HERC2: variants seen among roughly 807,000 people sequenced by gnomAD.
HERC2 encodes HECT and RLD domain containing E3 ubiquitin protein ligase 2, also known as E3 ubiquitin-protein ligase HERC2.
In HERC2, 102 loss-of-function variants were observed where a neutral mutation model predicts 537.7. That is an observed-to-expected ratio of 0.19 (90% confidence interval 0.16 to 0.22). The LOEUF is 0.22. HERC2 is among the 10% of genes least tolerant of loss of function. The pLI is 1.00. For missense variants in HERC2, 4,236 were observed against 6,198.2 expected, an observed-to-expected ratio of 0.68 and a Z score of 10.63; for synonymous variants, 2,224 against 2,466.2, an observed-to-expected ratio of 0.90 and a Z score of 2.91.
chr15:28,114,813 G>T lies in HERC2; in HGVS notation c.13723-11C>A. On this transcript the variant is annotated splice_polypyrimidine_tract_variant and intron_variant, in intron 89 of 92. Coordinates refer to ENST00000261609, the MANE Select transcript of HERC2 (RefSeq NM_004667.6). ...AAAATCCTTATCAACCTTTTAAGGA[G>T]AAAAAGAAAGCCCATGTGTCGACTC... 6.2e-7 allele frequency: 1 copy of T among 1,611,596 alleles called. No individual in the cohort carries two copies. Among genetic ancestry groups the T allele is most frequent in the East Asian group, 2.2e-5 (1 of 44,840 alleles).
chr15:28,302,970 T>G (rs1490828651), intron 2 of HERC2, among the ~76,000 whole-genome samples: 43 of 151,746 alleles, frequency 2.8e-4, no homozygotes, highest in African/African-American at 1.0e-3. Flanking sequence ...CTCTTCATTT[T>G]GTTGATTGTT....
At position 28,144,663 on chromosome 15, in the gene HERC2, C is replaced by T. The variant is rs752002642; in HGVS notation, c.11140+10G>A. On this transcript the variant is annotated intron_variant, in intron 72 of 92. Coordinates refer to ENST00000261609, the MANE Select transcript of HERC2 (RefSeq NM_004667.6). Reference sequence around the variant, plus strand: ...CATCTAACCTTGATCGCCATAAGCCCCTTCCTTACCAGCAGCTGGCATGAT... The same window carrying T: ...CATCTAACCTTGATCGCCATAAGCCTCTTCCTTACCAGCAGCTGGCATGAT... 3.7e-6 allele frequency: 6 copies of T among 1,614,204 alleles called. No individual in the cohort carries two copies. The South Asian group carries it at 6.6e-5, about 18-fold the overall frequency.
chr15:28,321,544 AAG>A (rs1485009760), intron 1 of HERC2, 80 bp from the exon 2 acceptor site: 5 of 671,964 alleles, frequency 7.4e-6, no homozygotes, highest in Non-Finnish European at 4.8e-6. Context: ...GAAAAGAAAA[AAG>A]AGAGAGAGAA....
Position 28,265,503 on chromosome 15 carries a change from C to T in HERC2, c.1870+115G>A, listed in dbSNP as rs947902947. On this transcript the variant is annotated intron_variant, in intron 14 of 92. Coordinates refer to ENST00000261609, the MANE Select transcript of HERC2 (RefSeq NM_004667.6). This position sits in a 1 kb window ranked among gnomAD's most constrained non-coding sequence, Gnocchi z 4.0. ...CCAATGCCACTGAGCCCCACACCCACTGGGCGACAGGGTGGGTGGCCTCGT... is the reference window on the plus strand; with the variant it reads ...CCAATGCCACTGAGCCCCACACCCATTGGGCGACAGGGTGGGTGGCCTCGT... The T allele has an allele frequency of 5.8e-5, 47 of 803,840 alleles. No homozygotes were observed. Among genetic ancestry groups the T allele is most frequent in the Admixed American group, 1.1e-4 (5 of 45,352 alleles). The allele number at this position is 803,840 out of a possible 1,614,324, so 49.8% of individuals were successfully genotyped here.
At position 28,233,522 on chromosome 15, in the gene HERC2, C is replaced by A. The variant is rs575457944; in HGVS notation, c.4391G>T (p.Gly1464Val). ...CGTTCTGTGCTTTACTTGCTCAATA[C>A]CAAGTGCACCTGCATGAACTAAAGA... The part of the protein sequence containing the change: ...ALSLVHAGAL[G>V]IEQVKHRTLP... The change falls in exon 29 of 93, where the codon GGT (glycine) becomes GTT (valine). Residue 1464 changes from glycine to valine, a missense_variant. Around this residue, in one of 27 missense-constraint regions of HERC2, gnomAD observed 94 missense variants for 174.9 expected, o/e 0.54. Transcript: ENST00000261609. 1 of 1,577,646 alleles carries A rather than the reference C, an allele frequency of 6.3e-7. No homozygotes were observed. The highest frequency in any genetic ancestry group is 8.7e-7 in the Non-Finnish European group (1 of 1,146,972).
intron 2 of HERC2, among the ~76,000 whole-genome samples, chr15:28,314,356 A>G (rs907825428): frequency 3.9e-5 from 6 of 152,234 alleles, no homozygotes; most frequent in African/African-American, 4.8e-5. Flanking sequence ...TCAGCTCGGA[A>G]CAATGGGGTG....
chr15:28,176,394 C>A lies in HERC2; in HGVS notation c.9686+34G>T. 1 of 1,609,480 alleles carries A rather than the reference C, an allele frequency of 6.2e-7. No individual in the cohort carries two copies. The highest frequency in any genetic ancestry group is 8.5e-7 in the Non-Finnish European group (1 of 1,176,538). On this transcript the variant is annotated intron_variant, in intron 63 of 92. Transcript: ENST00000261609. The surrounding 1 kb of genome is among the most constrained non-coding windows in gnomAD (Gnocchi z 5.0). Reference sequence around the variant, plus strand: ...GGTTCCCTGCACACACCTGCACAAGCACACACAGTGTGACAGGGAGGACGT... The same window carrying A: ...GGTTCCCTGCACACACCTGCACAAGAACACACAGTGTGACAGGGAGGACGT...
At position 28,177,058 on chromosome 15, in the gene HERC2, G is replaced by A. The variant is rs1566974048; in HGVS notation, c.9324C>T (p.Ser3108=). Residue 3108 remains serine (S), a synonymous_variant, in exon 61 of 93, where the codon AGC becomes AGT. Transcript: ENST00000261609. This position sits in a 1 kb window ranked among gnomAD's most constrained non-coding sequence, Gnocchi z 5.0. The stretch of plus-strand genomic sequence containing the variant: ...TGGATGTGAGGGCTGCGCTGTGCGA[G>A]CTCCCACAGGCGATATCCCGGATAC... ...TKRIRDIACG[S]SHSAALTSSG... is the part of the protein sequence containing the mutation. The A allele has an allele frequency of 1.2e-6, 2 of 1,614,106 alleles. No individual in the cohort carries two copies. The highest frequency in any genetic ancestry group is 2.2e-5 in the East Asian group (1 of 44,860).
Position 28,116,624 on chromosome 15 carries a change from C to T in HERC2, c.13609+41G>A, listed in dbSNP as rs754431787. 3.9e-6 allele frequency: 6 copies of T among 1,549,844 alleles called. No individual in the cohort carries two copies. The African/African-American group carries it at 4.1e-5, about 11-fold the overall frequency. Reference sequence around the variant, plus strand: ...GTACATTTTAACTCAAGAGCAGGCACAGGCCACAGCGACACAGTCTCAAGC... The same window carrying T: ...GTACATTTTAACTCAAGAGCAGGCATAGGCCACAGCGACACAGTCTCAAGC... On this transcript the variant is annotated intron_variant, in intron 88 of 92. Coordinates refer to ENST00000261609, the MANE Select transcript of HERC2 (RefSeq NM_004667.6).
At chr15:28,201,320 G>A in intron 48 of HERC2, 136 bp downstream of exon 48, 1 of 652,912 alleles carries the variant, frequency 1.5e-6, no homozygotes, top group Non-Finnish European at 2.8e-6. Context: ...CACTGGTCAG[G>A]TATGTCTTCC....
chr15:28,304,108 G>A (rs2076710338), intron 2 of HERC2, among the ~76,000 whole-genome samples: 1 of 133,664 alleles, frequency 7.5e-6, no homozygotes, highest in African/African-American at 2.7e-5. Flanking sequence ...AGAGGTTGCA[G>A]TGAGCCGAGA....
intron 69 of HERC2, among the ~76,000 whole-genome samples, chr15:28,154,207 T>A (rs1408553987): frequency 5.9e-5 from 9 of 152,352 alleles, no homozygotes; most frequent in Middle Eastern, 3.4e-3. Context: ...CTAATGCCCA[T>A]TCTATACTTT....
chr15:28,280,348 T>C (rs2075990088), intron 4 of HERC2, 61 bp from the exon 5 acceptor site: 2 of 1,380,994 alleles, frequency 1.4e-6, no homozygotes, highest in Non-Finnish European at 2.0e-6. Flanking sequence ...TTTGTTGCAA[T>C]GTTGAGAAAA....
chr15:28,321,855 G>A (rs2077239487), intron 1 of HERC2, among the ~76,000 whole-genome samples: 1 of 145,818 alleles, frequency 6.9e-6, no homozygotes, highest in South Asian at 2.1e-4. Flanking sequence ...AGCAGGGCGC[G>A]TGCGTGAAAC....
At chr15:28,143,575 T>C (rs1891439426) in intron 74 of HERC2, among the ~76,000 whole-genome samples, 1 of 152,092 alleles carries the variant, frequency 6.6e-6, no homozygotes, top group South Asian at 2.1e-4. Context: ...GCCTCCCAAG[T>C]AGCTGGGACT....
Position 28,122,199 on chromosome 15 carries a change from C to A in HERC2, c.13189-770G>T, listed in dbSNP as rs531619509. ...ACAGCAGGGCGTGGCCAAACATCAG[C>A]ACCACGGTGAGGACCCAGCCGTTCC... On this transcript the variant is annotated intron_variant, in intron 85 of 92. Transcript: ENST00000261609. The surrounding 1 kb of genome is among the most constrained non-coding windows in gnomAD (Gnocchi z 4.1). Among the ~76,000 whole-genome samples the A allele has an allele frequency of 6.6e-6, 1 of 152,334 alleles. No homozygotes were observed. Among genetic ancestry groups the A allele is most frequent in the African/African-American group, 2.4e-5 (1 of 41,580 alleles).
intron 3 of HERC2, among the ~76,000 whole-genome samples, chr15:28,295,308 T>TGGGGGGGGGG (rs3079935): frequency 3.8e-5 from 3 of 79,622 alleles, no homozygotes; most frequent in African/African-American, 4.8e-5. Flanking sequence ...TACATGTGTG[T>TGGGGGGGGGG]GGGGGGGGGG....
intron 82 of HERC2, 75 bp from the exon 83 acceptor site, chr15:28,130,377 C>G: frequency 6.2e-7 from 1 of 1,605,792 alleles, no homozygotes; most frequent in Non-Finnish European, 8.5e-7. Context: ...TCCTGGGCAG[C>G]CTCTGCTGTT....
chr15:28,111,506 A>G lies in HERC2; in HGVS notation c.*257T>C. The G allele has an allele frequency of 2.0e-6, 1 of 499,154 alleles. No homozygotes were observed. Among genetic ancestry groups the G allele is most frequent in the Non-Finnish European group, 3.5e-6 (1 of 284,450 alleles). The allele number at this position is 499,154 out of a possible 1,614,324, so 30.9% of individuals were successfully genotyped here. A position where few individuals can be genotyped will look rare whatever the true frequency, so the allele number is the denominator to read the frequency against. On this transcript the variant is annotated 3_prime_UTR_variant, in exon 93 of 93. Transcript: ENST00000261609. ...ATATAAACATTTACACACTTTAGTA[A>G]ACACAGTCCTACATGTAATGCAGCA...
Sources: allele counts gnomAD v4.1 joint callset (sites outside exome capture counted in the v4.1 genomes callset), GRCh38; gene constraint gnomAD v4.1.1; regional missense constraint gnomAD v4.1.1; non-coding constraint Gnocchi (gnomAD v3.1); transcripts MANE v1.5; gene names NCBI Gene and HGNC (gene_info 2026-07-23, HGNC 2026-07-21).